TMCC1: variants seen among roughly 807,000 people sequenced by gnomAD.
The protein encoded by TMCC1 is transmembrane and coiled-coil domain family 1, also known as transmembrane and coiled-coil domains protein 1.
In TMCC1, 15 loss-of-function variants were observed where a neutral mutation model predicts 52.4. That is an observed-to-expected ratio of 0.29 (90% CI 0.19 to 0.44). The LOEUF is 0.44. TMCC1 is among the 20% of genes least tolerant of loss of function. TMCC1 has a pLI of 1.00. For missense variants in TMCC1, 503 were observed against 806.0 expected (o/e 0.62, Z 4.55); for synonymous variants, 279 against 301.9 (o/e 0.92, Z 0.79).
chr3:129,678,791 A>G (rs1576417499), intron 4 of TMCC1, among the ~76,000 whole-genome samples: 1 of 152,190 alleles, frequency 6.6e-6, no homozygotes, highest in East Asian at 1.9e-4. Context: ...ACCAGACTCA[A>G]TGTCTGAACC....
At chr3:129,669,518 T>A (rs984180068) in intron 5 of TMCC1, among the ~76,000 whole-genome samples, 3 of 150,194 alleles carry the variant, frequency 2.0e-5, no homozygotes, top group Admixed American at 6.6e-5. Context: ...CACCGCAACC[T>A]CCACCTCCTG....
chr3:129,691,461 A>T (rs2047023395), intron 4 of TMCC1, among the ~76,000 whole-genome samples: 2 of 152,048 alleles, frequency 1.3e-5, no homozygotes, highest in South Asian at 4.1e-4. Context: ...CTAAAGCCAT[A>T]GGTCTTTATG....
chr3:129,875,505 A>C (rs1315959178), intron 2 of TMCC1, among the ~76,000 whole-genome samples: 3 of 150,460 alleles, frequency 2.0e-5, no homozygotes, highest in Non-Finnish European at 3.0e-5. Context: ...AAAAAAAAAA[A>C]AAAAAAAAAA....
chr3:129,851,528 T>C (rs1490513940), intron 2 of TMCC1, among the ~76,000 whole-genome samples: 3 of 152,218 alleles, frequency 2.0e-5, no homozygotes, highest in Non-Finnish European at 4.4e-5. Context: ...AGATATGCTA[T>C]CTTAATCAAA....
At chr3:129,721,925 G>A (rs375979812) in intron 4 of TMCC1, among the ~76,000 whole-genome samples, 159 of 152,168 alleles carry the variant, frequency 1.0e-3, no homozygotes, top group African/African-American at 3.4e-3. Context: ...CATGCAAGGA[G>A]GTCATATATG....
chr3:129,734,596 T>C (rs951703009), intron 4 of TMCC1, among the ~76,000 whole-genome samples: 2 of 152,042 alleles, frequency 1.3e-5, no homozygotes, highest in African/African-American at 2.4e-5. Context: ...GGTGGGAGGA[T>C]TGCTTGAGCC....
intron 4 of TMCC1, among the ~76,000 whole-genome samples, chr3:129,769,240 T>C (rs1003392509): frequency 6.6e-6 from 1 of 152,208 alleles, no homozygotes; most frequent in Non-Finnish European, 1.5e-5. Flanking sequence ...TAGGATTTTG[T>C]TTGTTTTGAG....
At chr3:129,728,775 T>C (rs1036552115) in intron 4 of TMCC1, among the ~76,000 whole-genome samples, 3 of 152,200 alleles carry the variant, frequency 2.0e-5, no homozygotes, top group African/African-American at 7.2e-5. Context: ...ACTTATTCTT[T>C]TTCACTATAG....
chr3:129,671,506 C>A (rs2108889722), intron 4 of TMCC1, among the ~76,000 whole-genome samples: 2 of 152,280 alleles, frequency 1.3e-5, no homozygotes, highest in East Asian at 3.9e-4. Flanking sequence ...GGGGATTCTT[C>A]CTTTGCTAGA....
intron 2 of TMCC1, among the ~76,000 whole-genome samples, chr3:129,843,665 C>A (rs2059527094): frequency 6.6e-6 from 1 of 151,820 alleles, no homozygotes; most frequent in African/African-American, 2.4e-5. Flanking sequence ...ATGACATGAA[C>A]TACAAAAAAT....
chr3:129,655,776 A>C (rs891836325), intron 5 of TMCC1, among the ~76,000 whole-genome samples: 1 of 152,226 alleles, frequency 6.6e-6, no homozygotes, highest in Admixed American at 6.5e-5. Flanking sequence ...CCATATGGAG[A>C]AGTAAAACAA....
intron 4 of TMCC1, among the ~76,000 whole-genome samples, chr3:129,697,833 T>C (rs775069204): frequency 5.9e-5 from 9 of 152,190 alleles, no homozygotes; most frequent in Non-Finnish European, 1.0e-4. Flanking sequence ...CTCATCTTCA[T>C]CTGAGACCAT....
chr3:129,863,247 G>A (rs2811340), intron 2 of TMCC1, among the ~76,000 whole-genome samples: 95,711 of 152,036 alleles, frequency 0.63, 35,338 homozygotes, highest in Non-Finnish European at 0.83. Context: ...AAAAGATCTG[G>A]AAATTATACC....
chr3:129,823,450 C>T (rs1009036430), intron 4 of TMCC1, among the ~76,000 whole-genome samples: 2 of 152,046 alleles, frequency 1.3e-5, no homozygotes, highest in Non-Finnish European at 2.9e-5. Context: ...TTAATTGTGA[C>T]CCTGAAGTAC....
chr3:129,854,688 A>G (rs977616062), intron 2 of TMCC1, among the ~76,000 whole-genome samples: 12 of 151,988 alleles, frequency 7.9e-5, no homozygotes, highest in Admixed American at 5.9e-4. Context: ...TCTCCCATCT[A>G]TCCTTTCTTT....
intron 4 of TMCC1, among the ~76,000 whole-genome samples, chr3:129,678,518 G>A (rs2088675797): frequency 6.6e-6 from 1 of 151,422 alleles, no homozygotes; most frequent in Non-Finnish European, 1.5e-5. Context: ...GTGCCACCAT[G>A]CCCGGCTAAT....
chr3:129,872,786 G>A (rs1272966863), intron 2 of TMCC1, among the ~76,000 whole-genome samples: 1 of 151,966 alleles, frequency 6.6e-6, no homozygotes, highest in African/African-American at 2.4e-5. Context: ...CGTTGCTTCT[G>A]TTTATATAAG....
intron 4 of TMCC1, among the ~76,000 whole-genome samples, chr3:129,710,642 G>C (rs1349537809): frequency 6.6e-6 from 1 of 152,128 alleles, no homozygotes; most frequent in African/African-American, 2.4e-5. Context: ...TCAGTCAACA[G>C]TAACAACTCT....
intron 4 of TMCC1, among the ~76,000 whole-genome samples, chr3:129,679,452 C>T (rs979015637): frequency 1.3e-5 from 2 of 152,038 alleles, no homozygotes; most frequent in African/African-American, 4.8e-5. Context: ...ACTACAGGTG[C>T]GCACCACCAC....
Sources: gnomAD v4.1 joint callset for allele counts (sites outside exome capture counted in the v4.1 genomes callset) on GRCh38, gnomAD v4.1.1 for gene constraint, MANE v1.5 for transcripts, NCBI Gene and HGNC (gene_info 2026-07-23, HGNC 2026-07-21) for gene names.